The following FHIT variants were observed in gnomAD, a reference collection of about 807,000 sequenced individuals.
FHIT encodes the protein bis(5'-adenosyl)-triphosphatase.
In FHIT, 19 loss-of-function variants were observed where a neutral mutation model predicts 17.9. The observed-to-expected ratio is 1.06, with a 90% CI of 0.74 to 1.56. The LOEUF (loss-of-function observed/expected upper bound fraction) is 1.56. FHIT is among the 40% of genes most tolerant of loss of function. The pLI, the probability that FHIT is intolerant of heterozygous loss-of-function variation, is 0.00. For missense variants in FHIT, 248 were observed against 189.2 expected (o/e 1.31, Z -1.82); for synonymous variants, 81 against 69.7 (o/e 1.16, Z -0.81).
chr3:59,961,823 T>G (rs567404144), intron 7 of FHIT, among the ~76,000 whole-genome samples: 7 of 152,348 alleles, frequency 4.6e-5, no homozygotes, highest in African/African-American at 1.7e-4. Context: ...TGCATTGATC[T>G]CGCTGGAAGC....
At chr3:60,210,477 C>T (rs191771392) in intron 5 of FHIT, among the ~76,000 whole-genome samples, 47 of 151,950 alleles carry the variant, frequency 3.1e-4, no homozygotes, top group African/African-American at 1.0e-3. Flanking sequence ...ATTCCAGAAA[C>T]AAATTGGGAG....
intron 8 of FHIT, among the ~76,000 whole-genome samples, chr3:59,910,324 A>T (rs928676132): frequency 6.6e-6 from 1 of 152,192 alleles, no homozygotes; most frequent in African/African-American, 2.4e-5. Context: ...TAGCCTCTCC[A>T]AAGGAGGCAA....
Position 60,610,697 on chromosome 3 carries a change from T to C in FHIT, c.-17-73718A>G, listed in dbSNP as rs80285017. Among the ~76,000 whole-genome samples the C allele has an allele frequency of 5.4e-3, 825 of 152,280 alleles. 4 individuals carry two copies. The highest frequency in any genetic ancestry group is 0.019 in the African/African-American group (787 of 41,564). On this transcript the variant is annotated intron_variant, in intron 4 of 9. Transcript: ENST00000492590. ...GCAAACTTCGAAAAAATATTAATAA[T>C]ATCAAAACACCTTGCGGCTGCTCTT...
At chr3:60,298,844 T>A (rs1375326513) in intron 5 of FHIT, among the ~76,000 whole-genome samples, 2 of 152,142 alleles carry the variant, frequency 1.3e-5, no homozygotes, top group South Asian at 2.1e-4. Context: ...CTCTGCAGCC[T>A]GAGTCAAGTG....
intron 2 of FHIT, among the ~76,000 whole-genome samples, chr3:61,160,797 T>C (rs966776842): frequency 5.9e-5 from 9 of 152,228 alleles, no homozygotes; most frequent in African/African-American, 2.2e-4. Context: ...ATTTTCCCTA[T>C]GGTCTTTAAT....
intron 8 of FHIT, among the ~76,000 whole-genome samples, chr3:59,771,907 CACTTT>C (rs1702089731): frequency 6.6e-6 from 1 of 152,180 alleles, no homozygotes; most frequent in African/African-American, 2.4e-5. Flanking sequence ...TAAATGCATA[CACTTT>C]ACTTGAAATT....
At chr3:59,765,326 T>C (rs1550925) in intron 8 of FHIT, among the ~76,000 whole-genome samples, 122,393 of 152,138 alleles carry the variant, frequency 0.8, 49,803 homozygotes, top group East Asian at 0.9. Context: ...AAATGGACTG[T>C]TCCTAGAATC....
rs1702377886 is a variant in FHIT, at chr3:60,190,952, C to A, written c.104-176800G>T. Among the ~76,000 whole-genome samples the A allele has an allele frequency of 1.3e-5, 2 of 151,560 alleles. 1 individual carries two copies. On this transcript the variant is annotated intron_variant, in intron 5 of 9. Transcript: ENST00000492590. Reference sequence around the variant, plus strand: ...AGTGAGACTCCATCTCAAAAAAAAACTAAGGGAGATTTTGAAGTTGTGTCT... The same window carrying A: ...AGTGAGACTCCATCTCAAAAAAAAAATAAGGGAGATTTTGAAGTTGTGTCT...
At chr3:60,496,666 A>C (rs901866411) in intron 5 of FHIT, among the ~76,000 whole-genome samples, 1 of 152,212 alleles carries the variant, frequency 6.6e-6, no homozygotes, top group Non-Finnish European at 1.5e-5. Context: ...TCACCAGTAC[A>C]CTAGGAAACA....
chr3:60,023,609 C>G (rs1700631116), intron 5 of FHIT, among the ~76,000 whole-genome samples: 1 of 152,114 alleles, frequency 6.6e-6, no homozygotes, highest in Admixed American at 6.5e-5. Flanking sequence ...CAGATGCCAT[C>G]TGAAGGCAAA....
intron 5 of FHIT, among the ~76,000 whole-genome samples, chr3:60,234,920 T>C (rs1465202823): frequency 2.0e-5 from 3 of 152,182 alleles, no homozygotes; most frequent in Non-Finnish European, 4.4e-5. Context: ...CATTCGAGGA[T>C]AACTGTAGTT....
At chr3:60,502,738 G>A (rs893725243) in intron 5 of FHIT, among the ~76,000 whole-genome samples, 2 of 152,094 alleles carry the variant, frequency 1.3e-5, no homozygotes, top group Admixed American at 1.3e-4. Context: ...GAGGGCTGAC[G>A]ACAACACTAT....
chr3:60,441,744 T>A (rs78709084), intron 5 of FHIT, among the ~76,000 whole-genome samples: 48 of 7,652 alleles, frequency 6.3e-3, no homozygotes, highest in Non-Finnish European at 0.03. Flanking sequence ...ATATATATAT[T>A]TATATATATA....
At chr3:60,577,531 A>C (rs1186107749) in intron 4 of FHIT, among the ~76,000 whole-genome samples, 1 of 152,206 alleles carries the variant, frequency 6.6e-6, no homozygotes, top group Non-Finnish European at 1.5e-5. Flanking sequence ...TCAATGGTTC[A>C]TTTAATTTGA....
chr3:60,355,305 C>A (rs1347680230), intron 5 of FHIT, among the ~76,000 whole-genome samples: 1 of 152,158 alleles, frequency 6.6e-6, no homozygotes, highest in African/African-American at 2.4e-5. Flanking sequence ...AAAATTATTA[C>A]TGCCATCAAT....
intron 3 of FHIT, among the ~76,000 whole-genome samples, chr3:60,839,403 G>C (rs781982353): frequency 2.0e-5 from 3 of 152,102 alleles, no homozygotes; most frequent in Non-Finnish European, 2.9e-5. Context: ...CAGTGTCTCT[G>C]TGACCAGTGA....
chr3:60,797,467 T>C (rs1701022736), intron 4 of FHIT, among the ~76,000 whole-genome samples: 1 of 47,992 alleles, frequency 2.1e-5, no homozygotes, highest in African/African-American at 4.1e-5. Flanking sequence ...GTAGTAGTAG[T>C]AGTAGTAGTA....
chr3:60,775,831 G>A (rs377653273), intron 4 of FHIT, among the ~76,000 whole-genome samples: 34 of 152,260 alleles, frequency 2.2e-4, no homozygotes, highest in African/African-American at 7.9e-4. Context: ...CCTGCTGGCT[G>A]GTTCCCCGTC....
At chr3:60,155,436 C>T (rs73834005) in intron 5 of FHIT, among the ~76,000 whole-genome samples, 4,850 of 152,202 alleles carry the variant, frequency 0.032, 269 homozygotes, top group African/African-American at 0.11. Flanking sequence ...TGACTTGAAG[C>T]GAAGCTGCCT....
Sources: gnomAD v4.1 joint callset for allele counts (sites outside exome capture counted in the v4.1 genomes callset) on GRCh38, gnomAD v4.1.1 for gene constraint, MANE v1.5 for transcripts, NCBI Gene and HGNC (gene_info 2026-07-23, HGNC 2026-07-21) for gene names.